Variants in TENM3 observed in about 807,000 individuals in gnomAD.
TENM3 encodes teneurin-3.
Under a neutral mutation model 255.1 loss-of-function variants are expected in TENM3, and 63 were observed. That is an observed-to-expected ratio of 0.25 (90% CI 0.20 to 0.30). The LOEUF is 0.30. Among genes scored for constraint, TENM3 ranks in the 10% least tolerant of loss-of-function variants. The pLI is 1.00. For missense variants in TENM3, 2,929 were observed against 3,461.1 expected, an observed-to-expected ratio of 0.85 and a Z score of 3.86; for synonymous variants, 1,306 against 1,322.3, an observed-to-expected ratio of 0.99 and a Z score of 0.27.
the TENM3 span, among the ~76,000 whole-genome samples, chr4:181,678,675 A>G: frequency 6.6e-6 from 1 of 152,090 alleles, no homozygotes; most frequent in South Asian, 2.1e-4. Context: ...TTCATAAATC[A>G]TTACAAAAAT....
At chr4:182,188,259 G>A (rs1250332617) in intron 1 of TENM3, among the ~76,000 whole-genome samples, 1 of 152,042 alleles carries the variant, frequency 6.6e-6, no homozygotes, top group Non-Finnish European at 1.5e-5. Context: ...ATCACTAATT[G>A]TGACCTTAGT....
the TENM3 span, among the ~76,000 whole-genome samples, chr4:181,823,696 G>A: frequency 6.6e-6 from 1 of 152,098 alleles, no homozygotes; most frequent in South Asian, 2.1e-4. Flanking sequence ...AGTAACCCCT[G>A]GGGAAAATAT....
the TENM3 span, among the ~76,000 whole-genome samples, chr4:181,448,021 CAGAG>C: frequency 6.6e-6 from 1 of 151,750 alleles, no homozygotes; most frequent in Non-Finnish European, 1.5e-5. Flanking sequence ...AACTCGCAAG[CAGAG>C]AGAGACGGTG....
At chr4:182,265,528 T>A (rs552404349) in intron 1 of TENM3, among the ~76,000 whole-genome samples, 7 of 152,300 alleles carry the variant, frequency 4.6e-5, no homozygotes, top group Admixed American at 1.3e-4. Context: ...AACAGCACCC[T>A]TAATTTTGGG....
At chr4:182,708,883 T>A (rs1176913978) in intron 12 of TENM3, among the ~76,000 whole-genome samples, 2 of 152,196 alleles carry the variant, frequency 1.3e-5, no homozygotes, top group East Asian at 3.9e-4. Context: ...ATGCCGTGTG[T>A]CCCACGTGGG....
the TENM3 span, among the ~76,000 whole-genome samples, chr4:181,623,771 C>G: frequency 6.6e-6 from 1 of 152,154 alleles, no homozygotes; most frequent in Non-Finnish European, 1.5e-5. Context: ...CATGTACAAG[C>G]AGTGTTTTGA....
chr4:181,548,663 A>G, the TENM3 span, among the ~76,000 whole-genome samples: 6 of 152,182 alleles, frequency 3.9e-5, no homozygotes, highest in East Asian at 1.9e-4. Flanking sequence ...AGAGGGAGAT[A>G]TAGTCAACCC....
chr4:182,099,063 G>A, the TENM3 span, among the ~76,000 whole-genome samples: 1 of 147,044 alleles, frequency 6.8e-6, no homozygotes, highest in South Asian at 2.2e-4. Context: ...CCGGGTTCAA[G>A]CAATTCTTCT....
upstream of TENM3, chr4:182,142,738 G>A (rs569333856): frequency 1.0e-3 from 172 of 164,724 alleles, no homozygotes; most frequent in Non-Finnish European, 1.9e-3. Context: ...AGCCCTCCAC[G>A]GGCAGACTGC....
At chr4:182,261,574 GC>G (rs1225294633) in intron 1 of TENM3, among the ~76,000 whole-genome samples, 1 of 152,104 alleles carries the variant, frequency 6.6e-6, no homozygotes, top group Non-Finnish European at 1.5e-5. Context: ...AAGAATAATG[GC>G]CTCTATCTGA....
At chr4:181,669,263 C>A in the TENM3 span, among the ~76,000 whole-genome samples, 20 of 152,256 alleles carry the variant, frequency 1.3e-4, no homozygotes, top group Non-Finnish European at 2.5e-4. Flanking sequence ...ATTTAATCTT[C>A]ACCACAACCC....
chr4:181,977,512 TGAA>T, the TENM3 span, among the ~76,000 whole-genome samples: 3 of 152,030 alleles, frequency 2.0e-5, no homozygotes, highest in African/African-American at 7.2e-5. Context: ...TTTGGAAAAA[TGAA>T]GAGACAGTTC....
the TENM3 span, among the ~76,000 whole-genome samples, chr4:181,720,080 G>T: frequency 6.6e-6 from 1 of 152,160 alleles, no homozygotes; most frequent in African/African-American, 2.4e-5. Context: ...GATCATATAT[G>T]TATCTAATTT....
At chr4:181,766,017 A>G in the TENM3 span, among the ~76,000 whole-genome samples, 5 of 152,154 alleles carry the variant, frequency 3.3e-5, no homozygotes, top group Non-Finnish European at 7.3e-5. Flanking sequence ...CCTAGTTTAT[A>G]TCAGAAAGAA....
chr4:181,700,881 G>A, the TENM3 span, among the ~76,000 whole-genome samples: 13 of 152,190 alleles, frequency 8.5e-5, no homozygotes, highest in African/African-American at 3.1e-4. Flanking sequence ...CATCTGCTGT[G>A]TTTGGATGAA....
At chr4:181,746,446 T>C in the TENM3 span, among the ~76,000 whole-genome samples, 2 of 151,368 alleles carry the variant, frequency 1.3e-5, no homozygotes, top group Non-Finnish European at 2.9e-5. Context: ...GCCTGGGGGG[T>C]CTGCAGATGA....
At chr4:182,168,993 T>C (rs1292453781) in intron 1 of TENM3, among the ~76,000 whole-genome samples, 1 of 152,000 alleles carries the variant, frequency 6.6e-6, no homozygotes, top group Non-Finnish European at 1.5e-5. Flanking sequence ...ATTCACATGG[T>C]CCAAAGTGAC....
chr4:182,523,508 AC>A (rs989789079), intron 3 of TENM3, among the ~76,000 whole-genome samples: 1 of 152,224 alleles, frequency 6.6e-6, no homozygotes, highest in Non-Finnish European at 1.5e-5. Context: ...ATTAGTGGGT[AC>A]TGAGAAGAGA....
chr4:181,740,422 A>G, the TENM3 span, among the ~76,000 whole-genome samples: 1 of 152,180 alleles, frequency 6.6e-6, no homozygotes, highest in African/African-American at 2.4e-5. Context: ...TTCAGACAAA[A>G]TATAAATGGG....
Sources: gnomAD v4.1 joint callset for allele counts (sites outside exome capture counted in the v4.1 genomes callset) on GRCh38, gnomAD v4.1.1 for gene constraint, MANE v1.5 for transcripts, NCBI Gene and HGNC (gene_info 2026-07-23, HGNC 2026-07-21) for gene names.